ESRP2: variants seen among roughly 807,000 people sequenced by gnomAD.
ESRP2 encodes the protein RNA binding motif protein 35A.
ESRP2 carries 48 observed loss-of-function variants against 78.6 expected under a neutral mutation model. The observed-to-expected ratio is 0.61, with a 90% CI of 0.48 to 0.78. ESRP2 has a LOEUF of 0.78. ESRP2 is among the 30% of genes least tolerant of loss of function. The pLI is 0.00. For synonymous variants in ESRP2, 383 were observed against 406.7 expected (o/e 0.94, Z 0.70); for missense variants, 863 against 965.9 (o/e 0.89, Z 1.41).
chr16:68,234,002 A>G lies in ESRP2; in HGVS notation c.433T>C (p.Ser145Pro), dbSNP rs1435004207. The part of the protein sequence containing the change: ...LLRQVLHPEA[S>P]RKNLVLPDMF... ...TTCCTTCAGGAGCATACCTTCCTGGAGGCCTCGGGGTGCAGGACCTGTCGC... is the reference window on the plus strand; with the variant it reads ...TTCCTTCAGGAGCATACCTTCCTGGGGGCCTCGGGGTGCAGGACCTGTCGC... Residue 145 changes from serine to proline, a missense_variant, in exon 3 of 15, where the codon TCC becomes CCC. Physicochemically the swap from Ser to Pro is moderately conservative, Grantham distance 74 (BLOSUM62 -1). Coordinates refer to ENST00000473183, the MANE Select transcript of ESRP2 (RefSeq NM_024939.3). The G allele has an allele frequency of 1.2e-6, 2 of 1,613,902 alleles. No homozygotes were observed. Among genetic ancestry groups the G allele is most frequent in the South Asian group, 1.1e-5 (1 of 91,078 alleles).
At position 68,235,942 on chromosome 16, in the gene ESRP2, C is replaced by T; in HGVS notation, c.104G>A (p.Gly35Glu). ...CCGTCCCAGCGCACCCGCCGTAGCCCCGAAGAGGACGACCAGTGATCCGGG... is the reference window on the plus strand; with the variant it reads ...CCGTCCCAGCGCACCCGCCGTAGCCTCGAAGAGGACGACCAGTGATCCGGG... ...PWPGSLVVLF[G>E]ATAGALGRDL... The change falls in exon 1 of 15, where the codon GGG becomes GAG. Residue 35 changes from glycine (G) to glutamate (E), a missense_variant. Physicochemically the swap from Gly to Glu is moderately conservative, Grantham distance 98 (BLOSUM62 -2). Coordinates refer to ENST00000473183, the MANE Select transcript of ESRP2 (RefSeq NM_024939.3). This position sits in a 1 kb window ranked among gnomAD's most constrained non-coding sequence, Gnocchi z 5.5. 6.2e-7 allele frequency: 1 copy of T among 1,611,450 alleles called. No homozygotes were observed. Among genetic ancestry groups the T allele is most frequent in the Non-Finnish European group, 8.5e-7 (1 of 1,179,450 alleles).
rs149976604 is a variant in ESRP2 at position 68,232,616 on chromosome 16, T to C, written c.782A>G (p.Gln261Arg). 2.5e-6 allele frequency: 4 copies of C among 1,614,024 alleles called. No individual in the cohort carries two copies. In the African/African-American group the frequency reaches 4.0e-5, roughly 16 times the overall value. ...ARGLPWQSSD[Q>R]DVARFFKGLN... ...CCCTTTGAAGAAGCGAGCCACGTCCTGGTCTGATGACTGCCACGGCAACCC... is the reference window on the plus strand; with the variant it reads ...CCCTTTGAAGAAGCGAGCCACGTCCCGGTCTGATGACTGCCACGGCAACCC... The change falls in exon 7 of 15, where the codon CAG becomes CGG. Residue 261 changes from glutamine (Q) to arginine (R), a missense_variant. By Grantham distance (43) the Gln-to-Arg change is conservative. Transcript: ENST00000473183. The surrounding 1 kb of genome is among the most constrained non-coding windows in gnomAD (Gnocchi z 5.2).
In ESRP2 at chr16:68,231,025, G is replaced by A; in HGVS notation, c.1714C>T (p.Leu572Phe). The change falls in exon 13 of 15, where the codon CTC (leucine) becomes TTC (phenylalanine). Residue 572 changes from leucine to phenylalanine, a missense_variant and splice_region_variant. Leu to Phe is a conservative substitution (Grantham distance 22). Transcript: ENST00000473183. The surrounding 1 kb of genome is among the most constrained non-coding windows in gnomAD (Gnocchi z 6.0). ...AAGGTGGTGTAGGTAGGTGGTGAGA[G>A]GCCTAGAGACGGAAGTAGAAAGTGC... ...MSPPPCKLPC[L>F]SPPTYTTFQA... 2.5e-6 allele frequency: 4 copies of A among 1,590,220 alleles called. No individual in the cohort carries two copies. The highest frequency in any genetic ancestry group is 3.4e-6 in the Non-Finnish European group (4 of 1,168,142).
rs775200064 is a variant in ESRP2, at chr16:68,236,035, G to T, written c.11C>A (p.Pro4Gln). The T allele has an allele frequency of 6.9e-7, 1 of 1,452,794 alleles. No individual in the cohort carries two copies. The highest frequency in any genetic ancestry group is 1.5e-5 in the African/African-American group (1 of 66,882). 90.0% of individuals were successfully genotyped at this position (1,452,794 alleles called of 1,614,324 possible). ...GCCCGGGGGAGGGGGCGGCGGCGGC[G>T]GCGGAGTCATGGCCGCAGAGGAAGG... MTP[P>Q]PPPPPPPGPD... is the part of the protein sequence containing the mutation. The change falls in exon 1 of 15, where the codon CCG becomes CAG. Residue 4 changes from proline (P) to glutamine (Q), a missense_variant. Physicochemically the swap from Pro to Gln is moderately conservative, Grantham distance 76. Transcript: ENST00000473183. This position sits in a 1 kb window ranked among gnomAD's most constrained non-coding sequence, Gnocchi z 5.2.
chr16:68,230,774 G>A lies in ESRP2; in HGVS notation c.1898+67C>T, dbSNP rs117732754. 128 of 1,591,856 alleles carry A rather than the reference G, an allele frequency of 8.0e-5. No homozygotes were observed. In the East Asian group the frequency reaches 2.8e-3, roughly 35 times the overall value. On this transcript the variant is annotated intron_variant, in intron 13 of 14. Transcript: ENST00000473183. ...GGAGGAGTTATCTGGTCCAGAAAGG[G>A]GATCGTGACCTTTCCCCAGATTGGG...
chr16:68,235,348 G>A lies in ESRP2; in HGVS notation c.327+286C>T. 1.0e-6 allele frequency: 1 copy of A among 985,362 alleles called. No homozygotes were observed. The highest frequency in any genetic ancestry group is 1.2e-6 in the Non-Finnish European group (1 of 829,912). The allele number at this position is 985,362 out of a possible 1,614,324, so 61.0% of individuals were successfully genotyped here. On this transcript the variant is annotated intron_variant, in intron 2 of 14. Transcript: ENST00000473183. The surrounding 1 kb of genome is among the most constrained non-coding windows in gnomAD (Gnocchi z 5.5). The stretch of plus-strand genomic sequence containing the variant: ...GGTCTCCCAAAGGCGTCTCGGCCTC[G>A]CTCCCCGGGCGGGAACTGGGGATGG...
rs1406695386 is a variant in ESRP2 at position 68,229,920 on chromosome 16, A to G, written c.*306T>C. On this transcript the variant is annotated 3_prime_UTR_variant, in exon 15 of 15. Transcript: ENST00000473183. ...TGTCAGCCCCACGATATCTGTCGGC[A>G]TGGGCCACAGCCAGGACAGACTTAA... The G allele has an allele frequency of 2.5e-6, 1 of 405,268 alleles. No homozygotes were observed. The highest frequency in any genetic ancestry group is 6.8e-4 in the Middle Eastern group (1 of 1,470). The allele number at this position is 405,268 out of a possible 1,614,324, so 25.1% of individuals were successfully genotyped here.
At position 68,231,762 on chromosome 16, in the gene ESRP2, G is replaced by A; in HGVS notation, c.1299+40C>T. On this transcript the variant is annotated intron_variant, in intron 10 of 14. Coordinates refer to ENST00000473183, the MANE Select transcript of ESRP2 (RefSeq NM_024939.3). The surrounding 1 kb of genome is among the most constrained non-coding windows in gnomAD (Gnocchi z 6.0). The stretch of plus-strand genomic sequence containing the variant: ...CAGGGACACAGAGGGCCGCCCTGGA[G>A]TAACAGTACATCTGGGGGTGGGGAG... 4 of 1,599,966 alleles carry A rather than the reference G, an allele frequency of 2.5e-6. No individual in the cohort carries two copies. The South Asian group carries it at 3.3e-5, about 13-fold the overall frequency.
In ESRP2 at chr16:68,230,902, CAG is replaced by C. The variant is rs754700540; in HGVS notation, c.1835_1836del (p.Pro612ArgfsTer80). ...GTGGCTGGCCCTGGATAGTAGGCAA[CAG>C]GGGTGGGGGCAGCAGGCACCCTGGC... The part of the protein sequence containing the change: ...PAARVPAAPT[P>X]VAYYPGPATQ... On this transcript the variant is annotated frameshift_variant, in exon 13 of 15. Coordinates refer to ENST00000473183, the MANE Select transcript of ESRP2 (RefSeq NM_024939.3). LOFTEE classifies it high-confidence loss of function. The C allele has an allele frequency of 5.0e-6, 8 of 1,613,856 alleles. No homozygotes were observed. Among genetic ancestry groups the C allele is most frequent in the East Asian group, 4.5e-5 (2 of 44,864 alleles).
At position 68,230,144 on chromosome 16, in the gene ESRP2, G is replaced by C; in HGVS notation, c.*82C>G. 7.5e-7 allele frequency: 1 copy of C among 1,340,856 alleles called. No homozygotes were observed. The highest frequency in any genetic ancestry group is 1.1e-6 in the Non-Finnish European group (1 of 934,120). The allele number at this position is 1,340,856 out of a possible 1,614,324, so 83.1% of individuals were successfully genotyped here. On this transcript the variant is annotated 3_prime_UTR_variant, in exon 15 of 15. Coordinates refer to ENST00000473183, the MANE Select transcript of ESRP2 (RefSeq NM_024939.3). ...TGACAAGCCAGAAAGAAGCTACCAG[G>C]TTGAGGGTGCTGGTCTTCTGGACTC... is the stretch of plus-strand genomic sequence containing the variant.
rs752391048 is a variant in ESRP2 at position 68,231,847 on chromosome 16, C to T, written c.1254G>A (p.Lys418=). ...TGCTCCGGAAGAGTTCAATGTATCG[C>T]TTACCCAGCATGCCCTTGTGCCTGC... ...ALRRHKGMLG[K]RYIELFRSTA... Residue 418 remains lysine (K), a synonymous_variant, in exon 10 of 15, where the codon AAG becomes AAA. Coordinates refer to ENST00000473183, the MANE Select transcript of ESRP2 (RefSeq NM_024939.3). The surrounding 1 kb of genome is among the most constrained non-coding windows in gnomAD (Gnocchi z 6.0). The T allele has an allele frequency of 6.8e-6, 11 of 1,613,966 alleles. No individual in the cohort carries two copies. Among genetic ancestry groups the T allele is most frequent in the Non-Finnish European group, 9.3e-6 (11 of 1,179,934 alleles).
chr16:68,233,269 GAGC>G lies in ESRP2; in HGVS notation c.655+55_655+57del, dbSNP rs375992415. On this transcript the variant is annotated intron_variant, in intron 5 of 14. Transcript: ENST00000473183. ...TCTTAGAGAAGGTCACAGTGGGGAG[GAGC>G]AATAGGCATTTGTCATCCCTGAGAA... 1.0e-3 allele frequency: 1,171 copies of G among 1,165,682 alleles called. 11 individuals are homozygous for G. In the African/African-American group the frequency reaches 0.017, roughly 16 times the overall value. The allele number at this position is 1,165,682 out of a possible 1,614,324, so 72.2% of individuals were successfully genotyped here. A position where few individuals can be genotyped will look rare whatever the true frequency, so the allele number is the denominator to read the frequency against.
chr16:68,235,316 C>T lies in ESRP2; in HGVS notation c.327+318G>A. 4.1e-6 allele frequency: 4 copies of T among 985,404 alleles called. No homozygotes were observed. Among genetic ancestry groups the T allele is most frequent in the Non-Finnish European group, 4.8e-6 (4 of 829,910 alleles). 61.0% of individuals were successfully genotyped at this position (985,404 alleles called of 1,614,324 possible). Reference sequence around the variant, plus strand: ...CCGGCTGCGGCTCAGGGAGACCTGACCCAGCAGGTCTCCCAAAGGCGTCTC... The same window carrying T: ...CCGGCTGCGGCTCAGGGAGACCTGATCCAGCAGGTCTCCCAAAGGCGTCTC... On this transcript the variant is annotated intron_variant, in intron 2 of 14. Coordinates refer to ENST00000473183, the MANE Select transcript of ESRP2 (RefSeq NM_024939.3). This position sits in a 1 kb window ranked among gnomAD's most constrained non-coding sequence, Gnocchi z 5.5.
Position 68,230,092 on chromosome 16 carries a change from G to C in ESRP2, c.*134C>G. 1 of 765,910 alleles carries C rather than the reference G, an allele frequency of 1.3e-6. No homozygotes were observed. Among genetic ancestry groups the C allele is most frequent in the Non-Finnish European group, 2.2e-6 (1 of 452,268 alleles). 47.4% of individuals were successfully genotyped at this position (765,910 alleles called of 1,614,324 possible). On this transcript the variant is annotated 3_prime_UTR_variant, in exon 15 of 15. Transcript: ENST00000473183. ...AGTGGAGGATGGAGCTGGGGCTTGG[G>C]CTCCTCTAGGTACCTTCTGAGAGCT...
At position 68,231,706 on chromosome 16, in the gene ESRP2, G is replaced by T; in HGVS notation, c.1300-12C>A. On this transcript the variant is annotated splice_polypyrimidine_tract_variant and intron_variant, in intron 10 of 14. Coordinates refer to ENST00000473183, the MANE Select transcript of ESRP2 (RefSeq NM_024939.3). The surrounding 1 kb of genome is among the most constrained non-coding windows in gnomAD (Gnocchi z 6.0). ...TAGCGGTTCAAGACCTAGTAAGGAAGGCAGCAACAGGCTGGTCATGCCAAG... is the reference window on the plus strand; with the variant it reads ...TAGCGGTTCAAGACCTAGTAAGGAATGCAGCAACAGGCTGGTCATGCCAAG... The T allele has an allele frequency of 6.3e-7, 1 of 1,596,556 alleles. No individual in the cohort carries two copies. The highest frequency in any genetic ancestry group is 8.6e-7 in the Non-Finnish European group (1 of 1,168,566).
intron 3 of ESRP2, 51 bp downstream of exon 3, chr16:68,233,943 G>C: frequency 6.2e-7 from 1 of 1,605,836 alleles, no homozygotes; most frequent in Non-Finnish European, 8.5e-7. Context: ...GAGGGGTTCT[G>C]GGAACCTTAC....
In ESRP2 at chr16:68,230,298, G is replaced by A. The variant is rs3743737; in HGVS notation, c.2082C>T (p.Tyr694=). 5.2e-4 allele frequency: 847 copies of A among 1,614,238 alleles called. 6 individuals carry two copies. The East Asian group carries it at 0.018, about 34-fold the overall frequency. ...FQAYQLPADD[Y]TSLMPVGDPP... is the part of the protein sequence containing the mutation. ...GGTCACCAACAGGCATCAGACTGGT[G>A]TAGTCATCAGCGGGTAGCTACAGAA... The change falls in exon 15 of 15, where the codon TAC becomes TAT. Residue 694 remains tyrosine, a synonymous_variant. Transcript: ENST00000473183.
rs776129901 is a variant in ESRP2, at chr16:68,231,289, T to C, written c.1600A>G (p.Lys534Glu). 1 of 1,614,086 alleles carries C rather than the reference T, an allele frequency of 6.2e-7. No individual in the cohort carries two copies. Among genetic ancestry groups the C allele is most frequent in the Non-Finnish European group, 8.5e-7 (1 of 1,179,998 alleles). ...AAQRCHKKVM[K>E]ERYVEVVPCS... ...GGGACCACCTCCACGTAGCGCTCCT[T>C]CATCACCTTCTTATGGCAACGCTGA... Residue 534 changes from lysine (K) to glutamate (E), a missense_variant, in exon 12 of 15, where the codon AAG becomes GAG. By Grantham distance (56) the Lys-to-Glu change is moderately conservative. Coordinates refer to ENST00000473183, the MANE Select transcript of ESRP2 (RefSeq NM_024939.3). This position sits in a 1 kb window ranked among gnomAD's most constrained non-coding sequence, Gnocchi z 6.0.
rs774318762 is a variant in ESRP2, at chr16:68,232,642, A to G, written c.756T>C (p.Arg252=). Residue 252 remains arginine (R), a synonymous_variant, in exon 7 of 15, where the codon CGT becomes CGC. Coordinates refer to ENST00000473183, the MANE Select transcript of ESRP2 (RefSeq NM_024939.3). This position sits in a 1 kb window ranked among gnomAD's most constrained non-coding sequence, Gnocchi z 5.2. ...GGTCTGATGACTGCCACGGCAACCC[A>G]CGAGCCCGTACCACAGTCTCACTGT... The part of the protein sequence containing the change: ...VVDSETVVRA[R]GLPWQSSDQD... The G allele has an allele frequency of 1.5e-5, 25 of 1,613,860 alleles. No homozygotes were observed. The East Asian group carries it at 5.3e-4, about 35-fold the overall frequency.
Sources: gnomAD v4.1 joint callset for allele counts on GRCh38, gnomAD v4.1.1 for gene constraint, Gnocchi (gnomAD v3.1) non-coding constraint, MANE v1.5 for transcripts, NCBI Gene and HGNC (gene_info 2026-07-23, HGNC 2026-07-21) for gene names.